Variants in FHIT observed in about 807,000 individuals in gnomAD.
FHIT encodes fragile histidine triad diadenosine triphosphatase, also known as bis(5'-adenosyl)-triphosphatase.
A neutral mutation model predicts 17.9 loss-of-function variants in FHIT; 19 were observed. The observed-to-expected ratio is 1.06, with a 90% CI of 0.74 to 1.56. FHIT has a LOEUF of 1.56. Among genes scored for constraint, FHIT ranks in the 40% most tolerant of loss-of-function variants. The pLI is 0.00. For synonymous variants in FHIT, 81 were observed against 69.7 expected, an observed-to-expected ratio of 1.16 and a Z score of -0.81; for missense variants, 248 against 189.2, an observed-to-expected ratio of 1.31 and a Z score of -1.82.
chr3:60,012,940 C>G (rs968332086), intron 6 of FHIT, among the ~76,000 whole-genome samples: 1 of 152,118 alleles, frequency 6.6e-6, no homozygotes, highest in African/African-American at 2.4e-5. Context: ...TTCATTTAGT[C>G]TCTCCAGAAA....
rs576962494 is a variant in FHIT at position 59,870,512 on chromosome 3, C to T, written c.348+51834G>A. On this transcript the variant is annotated intron_variant, in intron 8 of 9. Coordinates refer to ENST00000492590, the MANE Select transcript of FHIT (RefSeq NM_002012.4). The stretch of plus-strand genomic sequence containing the variant: ...CTCATAAGGACAAGAACTAATCCAT[C>T]CCACTCCTACTGGGCTGGCTCCTTT... Among the ~76,000 whole-genome samples the T allele has an allele frequency of 1.9e-3, 287 of 152,278 alleles. 6 individuals carry two copies. The highest frequency in any genetic ancestry group is 6.2e-3 in the East Asian group (32 of 5,172).
chr3:59,760,688 T>C (rs972179904), intron 8 of FHIT, among the ~76,000 whole-genome samples: 1 of 152,190 alleles, frequency 6.6e-6, no homozygotes, highest in Non-Finnish European at 1.5e-5. Context: ...TGATTTCAAT[T>C]AAAATATCAA....
chr3:60,585,499 C>G (rs2037878198), intron 4 of FHIT, among the ~76,000 whole-genome samples: 1 of 151,990 alleles, frequency 6.6e-6, no homozygotes, highest in Non-Finnish European at 1.5e-5. Context: ...AAGCTTGTTA[C>G]ACATTCTGCA....
At chr3:60,092,998 C>T (rs117851375) in intron 5 of FHIT, among the ~76,000 whole-genome samples, 1 of 152,164 alleles carries the variant, frequency 6.6e-6, no homozygotes, top group African/African-American at 2.4e-5. Flanking sequence ...ACTTCATGCT[C>T]AAACACCATG....
chr3:60,977,348 T>C (rs771962001), intron 3 of FHIT, among the ~76,000 whole-genome samples: 1 of 152,174 alleles, frequency 6.6e-6, no homozygotes. Context: ...GTTCAGTCAA[T>C]GGCGGTTTCC....
intron 7 of FHIT, among the ~76,000 whole-genome samples, chr3:59,922,880 T>A (rs1181734095): frequency 6.6e-6 from 1 of 152,108 alleles, no homozygotes; most frequent in African/African-American, 2.4e-5. Context: ...ATAATAGTAA[T>A]ACAAACAGTT....
chr3:61,074,444 T>C lies in FHIT; in HGVS notation c.-163-32345A>G, dbSNP rs2034907025. On this transcript the variant is annotated intron_variant, in intron 2 of 9. Transcript: ENST00000492590. ...GCCAAATCTGACCCATTGCTCTGTT[T>C]CATTTGGACCATACAGTAATGGTTG... is the stretch of plus-strand genomic sequence containing the variant. Among the ~76,000 whole-genome samples the C allele has an allele frequency of 2.0e-5, 3 of 152,342 alleles. 1 individual carries two copies. In the South Asian group the frequency reaches 6.2e-4, roughly 32 times the overall value.
intron 4 of FHIT, among the ~76,000 whole-genome samples, chr3:60,782,233 G>GTATATATATATATATATA (rs775581148): frequency 0.01 from 1,357 of 132,472 alleles, 12 homozygotes; most frequent in African/African-American, 0.022. Flanking sequence ...GTGTGTGTGT[G>GTATATATATATATATATA]TGTGTATATA....
intron 3 of FHIT, among the ~76,000 whole-genome samples, chr3:60,883,410 C>A (rs1395670250): frequency 6.6e-6 from 1 of 152,064 alleles, no homozygotes; most frequent in Non-Finnish European, 1.5e-5. Flanking sequence ...ATAGCCAAAG[C>A]AATCCCCAGC....
At chr3:60,851,126 C>A (rs555708995) in intron 3 of FHIT, among the ~76,000 whole-genome samples, 1 of 152,214 alleles carries the variant, frequency 6.6e-6, no homozygotes, top group South Asian at 2.1e-4. Context: ...TAGTAGTTAA[C>A]ATTTACTGTT....
intron 5 of FHIT, among the ~76,000 whole-genome samples, chr3:60,327,589 T>C (rs1347272780): frequency 1.3e-5 from 2 of 152,224 alleles, no homozygotes; most frequent in Non-Finnish European, 2.9e-5. Context: ...AAATATTTAA[T>C]ATTATGAATG....
At chr3:61,228,872 C>T (rs898080350) in intron 1 of FHIT, among the ~76,000 whole-genome samples, 1 of 152,158 alleles carries the variant, frequency 6.6e-6, no homozygotes. Flanking sequence ...AAGGCCATTC[C>T]GTTTTACTGA....
In FHIT at chr3:60,536,840, A is replaced by G. The variant is rs752384654; in HGVS notation, c.103+20T>C. 7.9e-5 allele frequency: 114 copies of G among 1,446,720 alleles called. No individual in the cohort carries two copies. The highest frequency in any genetic ancestry group is 1.2e-4 in the African/African-American group (8 of 69,310). 89.6% of individuals were successfully genotyped at this position (1,446,720 alleles called of 1,614,324 possible). A position where few individuals can be genotyped will look rare whatever the true frequency, so the allele number is the denominator to read the frequency against. ...AGAAGACTTTTATTTTCCCTCTCCAAAAAAAAAAAGAAAGGATACGTCCTG... is the reference window on the plus strand; with the variant it reads ...AGAAGACTTTTATTTTCCCTCTCCAGAAAAAAAAAGAAAGGATACGTCCTG... On this transcript the variant is annotated intron_variant, in intron 5 of 9. Transcript: ENST00000492590.
intron 5 of FHIT, among the ~76,000 whole-genome samples, chr3:60,446,544 T>C (rs1225204020): frequency 1.3e-5 from 2 of 152,084 alleles, no homozygotes; most frequent in Non-Finnish European, 2.9e-5. Context: ...ACTCTACTTA[T>C]TTTAACCTCA....
At chr3:60,194,939 G>T (rs1702557184) in intron 5 of FHIT, among the ~76,000 whole-genome samples, 1 of 152,130 alleles carries the variant, frequency 6.6e-6, no homozygotes, top group Non-Finnish European at 1.5e-5. Flanking sequence ...GCCGAGGAGG[G>T]TGGATCACCT....
intron 4 of FHIT, among the ~76,000 whole-genome samples, chr3:60,567,123 T>G (rs6446138): frequency 0.4 from 59,886 of 151,160 alleles, 12,271 homozygotes; most frequent in Admixed American, 0.5. Flanking sequence ...AAAGTTCTTA[T>G]GGAACCAAAA....
intron 1 of FHIT, among the ~76,000 whole-genome samples, chr3:61,224,399 T>C (rs1232488393): frequency 1.3e-5 from 2 of 152,102 alleles, no homozygotes; most frequent in Non-Finnish European, 2.9e-5. Flanking sequence ...ACCATGCTTA[T>C]GTTACTATTT....
chr3:60,530,254 C>G (rs560331745), intron 5 of FHIT, among the ~76,000 whole-genome samples: 22 of 152,278 alleles, frequency 1.4e-4, no homozygotes, highest in African/African-American at 4.8e-4. Flanking sequence ...CCAGAAGAGT[C>G]AAGGAAGAGA....
chr3:60,435,493 C>A (rs2030140577), intron 5 of FHIT, among the ~76,000 whole-genome samples: 1 of 151,680 alleles, frequency 6.6e-6, no homozygotes, highest in African/African-American at 2.4e-5. Flanking sequence ...CACACGTCTG[C>A]TGAAATATCA....
Sources: gnomAD v4.1 joint callset for allele counts (sites outside exome capture counted in the v4.1 genomes callset) on GRCh38, gnomAD v4.1.1 for gene constraint, MANE v1.5 for transcripts, NCBI Gene and HGNC (gene_info 2026-07-23, HGNC 2026-07-21) for gene names.